The following CAST variants were observed in gnomAD, a reference collection of about 807,000 sequenced individuals.
CAST encodes calpastatin.
A neutral mutation model predicts 119.6 loss-of-function variants in CAST; 76 were observed. The observed-to-expected ratio is 0.64, with a 90% CI of 0.53 to 0.77. The LOEUF (loss-of-function observed/expected upper bound fraction) is 0.77. Among genes scored for constraint, CAST ranks in the 30% least tolerant of loss-of-function variants. The pLI is 0.00. For synonymous variants in CAST, 319 were observed against 331.6 expected (o/e 0.96, Z 0.41); for missense variants, 953 against 946.5 (o/e 1.01, Z -0.09).
chr5:96,743,309 T>C (rs1055911648), intron 16 of CAST, among the ~76,000 whole-genome samples: 1 of 152,218 alleles, frequency 6.6e-6, no homozygotes, highest in Non-Finnish European at 1.5e-5. Context: ...CAAAACAAGC[T>C]TACATCTGGT....
the CAST span, among the ~76,000 whole-genome samples, chr5:96,204,292 A>T: frequency 2.6e-5 from 4 of 152,010 alleles, no homozygotes; most frequent in Non-Finnish European, 5.9e-5. Flanking sequence ...AGGATAGAGC[A>T]GCTGTTTCCT....
At chr5:96,602,968 G>C (rs146400781) in intron 1 of CAST, among the ~76,000 whole-genome samples, 202 of 152,284 alleles carry the variant, frequency 1.3e-3, no homozygotes, top group Non-Finnish European at 2.2e-3. Context: ...TGTGTTCAAG[G>C]ACCAGGATGA....
At chr5:96,632,143 T>C (rs1332540727) in intron 1 of CAST, among the ~76,000 whole-genome samples, 2 of 151,784 alleles carry the variant, frequency 1.3e-5, no homozygotes, top group Non-Finnish European at 2.9e-5. Context: ...ATAGTATATA[T>C]TCTTTGGAGA....
the CAST span, among the ~76,000 whole-genome samples, chr5:96,321,092 C>G: frequency 6.6e-6 from 1 of 152,294 alleles, no homozygotes; most frequent in South Asian, 2.1e-4. Context: ...TCCAGGTTAC[C>G]TACCTGTTTC....
chr5:96,592,868 C>G (rs1020635375), intron 1 of CAST, among the ~76,000 whole-genome samples: 2 of 151,966 alleles, frequency 1.3e-5, no homozygotes, highest in Non-Finnish European at 2.9e-5. Context: ...GGGTTCATGC[C>G]ATTCTCCTGC....
chr5:96,277,155 GTTC>G, the CAST span, among the ~76,000 whole-genome samples: 2 of 152,180 alleles, frequency 1.3e-5, no homozygotes, highest in East Asian at 1.9e-4. Flanking sequence ...CGTCTTTGTA[GTTC>G]TTCTTGGCCA....
At chr5:96,195,303 C>T in the CAST span, among the ~76,000 whole-genome samples, 3 of 152,204 alleles carry the variant, frequency 2.0e-5, no homozygotes, top group African/African-American at 7.2e-5. Context: ...ATTTTCTAAC[C>T]CTGGCAAGGC....
At chr5:96,183,161 AAT>A in the CAST span, among the ~76,000 whole-genome samples, 2 of 13,402 alleles carry the variant, frequency 1.5e-4, no homozygotes, top group Admixed American at 1.9e-3. Flanking sequence ...AAATAAATAA[AAT>A]AATAATAATA....
intron 18 of CAST, among the ~76,000 whole-genome samples, chr5:96,747,755 A>G (rs1764079754): frequency 1.3e-5 from 2 of 152,202 alleles, no homozygotes; most frequent in African/African-American, 4.8e-5. Context: ...TGTCACATAC[A>G]ATCAGCAACA....
chr5:96,565,343 G>A (rs924206820), intron 1 of CAST, among the ~76,000 whole-genome samples: 1 of 151,730 alleles, frequency 6.6e-6, no homozygotes, highest in Admixed American at 6.6e-5. Flanking sequence ...CATTCTACAA[G>A]GTATACATGT....
At chr5:96,722,113 A>G (rs560369122) in intron 3 of CAST, among the ~76,000 whole-genome samples, 38 of 152,338 alleles carry the variant, frequency 2.5e-4, no homozygotes, top group Admixed American at 1.6e-3. Flanking sequence ...ACATTTTGCC[A>G]CACTATCTCA....
At chr5:96,417,285 A>C in the CAST span, among the ~76,000 whole-genome samples, 109 of 152,304 alleles carry the variant, frequency 7.2e-4, 1 homozygote, top group African/African-American at 2.6e-3. Flanking sequence ...CTGCTCCTTC[A>C]TGTTAATCCT....
At position 96,588,628 on chromosome 5, in the gene CAST, G is replaced by A. The variant is rs538138021; in HGVS notation, c.60+58748G>A. Among the ~76,000 whole-genome samples, 88 of 152,250 alleles carry A rather than the reference G, an allele frequency of 5.8e-4. 1 individual carries two copies. The highest frequency in any genetic ancestry group is 3.4e-4 in the Non-Finnish European group (23 of 68,028). On this transcript the variant is annotated intron_variant, in intron 1 of 11. Transcript: ENST00000505143. ...TACCAATTGGATGAAATTACAATAA[G>A]ATGGCCAGAAAAACGATTTATGATC...
the CAST span, among the ~76,000 whole-genome samples, chr5:96,491,655 C>T: frequency 6.6e-6 from 1 of 151,990 alleles, no homozygotes; most frequent in African/African-American, 2.4e-5. Context: ...CACAGTAATT[C>T]CATCCCTAGA....
chr5:95,977,791 C>T, the CAST span, among the ~76,000 whole-genome samples: 1 of 152,100 alleles, frequency 6.6e-6, no homozygotes, highest in Non-Finnish European at 1.5e-5. Flanking sequence ...TCCTGATCCT[C>T]TCCAACCTCG....
At chr5:96,321,362 T>C in the CAST span, among the ~76,000 whole-genome samples, 3 of 152,242 alleles carry the variant, frequency 2.0e-5, no homozygotes, top group South Asian at 2.1e-4. Context: ...GCAGTGAGAA[T>C]GGCTTCTGGT....
At chr5:96,433,943 C>A in the CAST span, 1 of 152,098 alleles carries the variant, frequency 6.6e-6, no homozygotes, top group African/African-American at 2.4e-5. Context: ...GGGTGTTTAT[C>A]AGTAAAATGA....
the CAST span, among the ~76,000 whole-genome samples, chr5:96,322,627 C>G: frequency 6.6e-6 from 1 of 152,112 alleles, no homozygotes; most frequent in African/African-American, 2.4e-5. Flanking sequence ...TCCCATCCAC[C>G]CAAATGTGCA....
the CAST span, among the ~76,000 whole-genome samples, chr5:96,385,937 C>A: frequency 2.0e-5 from 3 of 152,278 alleles, no homozygotes; most frequent in Admixed American, 2.0e-4. Context: ...GAATTACTGC[C>A]AGGTTAAAAT....
Sources: allele counts gnomAD v4.1 joint callset (sites outside exome capture counted in the v4.1 genomes callset), GRCh38; gene constraint gnomAD v4.1.1; transcripts MANE v1.5; gene names NCBI Gene and HGNC (gene_info 2026-07-23, HGNC 2026-07-21).